Variants in KBTBD8 observed in about 807,000 individuals in gnomAD.
KBTBD8 encodes kelch repeat and BTB domain containing 8.
KBTBD8 carries 31 observed loss-of-function variants against 53.5 expected under a neutral mutation model. That is an observed-to-expected ratio of 0.58 (90% confidence interval 0.44 to 0.78). The LOEUF (loss-of-function observed/expected upper bound fraction) is 0.78, where lower values mean the gene tolerates loss of function less well. Among genes scored for constraint, KBTBD8 ranks in the 30% least tolerant of loss-of-function variants. KBTBD8 has a pLI of 0.00. For synonymous variants in KBTBD8, 250 were observed against 247.3 expected, an observed-to-expected ratio of 1.01 and a Z score of -0.10; for missense variants, 642 against 735.8, an observed-to-expected ratio of 0.87 and a Z score of 1.48.
At position 67,009,500 on chromosome 3, in the gene KBTBD8, CTT is replaced by C. The variant is rs1702098579; in HGVS notation, c.*1117_*1118del. 6.6e-6 allele frequency: 1 copy of C among 152,488 alleles called. No individual in the cohort carries two copies. The highest frequency in any genetic ancestry group is 2.4e-5 in the African/African-American group (1 of 41,404). 9.4% of individuals were successfully genotyped at this position (152,488 alleles called of 1,614,324 possible). On this transcript the variant is annotated 3_prime_UTR_variant, in exon 4 of 4. Coordinates refer to ENST00000417314, the MANE Select transcript of KBTBD8 (RefSeq NM_032505.3). ...TTCCTGCAGTGGTCTAATTTAATGT[CTT>C]TAAGTTTCATATTACAATTAAAACC...
Position 67,008,461 on chromosome 3 carries a change from A to G in KBTBD8, c.*76A>G. 1 of 1,022,468 alleles carries G rather than the reference A, an allele frequency of 9.8e-7. No individual in the cohort carries two copies. Among genetic ancestry groups the G allele is most frequent in the Non-Finnish European group, 1.4e-6 (1 of 701,970 alleles). 63.3% of individuals were successfully genotyped at this position (1,022,468 alleles called of 1,614,324 possible). On this transcript the variant is annotated 3_prime_UTR_variant, in exon 4 of 4. Coordinates refer to ENST00000417314, the MANE Select transcript of KBTBD8 (RefSeq NM_032505.3). ...GTCTTTGATACAAAAGAGTGCTGAC[A>G]GTATTTCAGAAAGCTGAGAGAGTTT...
Position 67,010,449 on chromosome 3 carries a change from G to A in KBTBD8, c.*2064G>A, listed in dbSNP as rs554410537. 1 of 152,636 alleles carries A rather than the reference G, an allele frequency of 6.6e-6. No individual in the cohort carries two copies. Among genetic ancestry groups the A allele is most frequent in the East Asian group, 1.9e-4 (1 of 5,186 alleles). The allele number at this position is 152,636 out of a possible 1,614,324, so 9.5% of individuals were successfully genotyped here. A position where few individuals can be genotyped will look rare whatever the true frequency, so the allele number is the denominator to read the frequency against. On this transcript the variant is annotated 3_prime_UTR_variant, in exon 4 of 4. Transcript: ENST00000417314. ...TTATATAAGAGAATGACATACTGTG[G>A]CTAATTCAACAGTAGATTTATTCTT...
At chr3:67,004,925 C>T (rs537097935) in intron 3 of KBTBD8, among the ~76,000 whole-genome samples, 5 of 152,024 alleles carry the variant, frequency 3.3e-5, no homozygotes, top group African/African-American at 9.7e-5. Context: ...TTTTTTTCAC[C>T]GGAAAACTTT....
chr3:67,003,611 A>C lies in KBTBD8; in HGVS notation c.644A>C (p.Glu215Ala). The C allele has an allele frequency of 1.2e-6, 2 of 1,614,080 alleles. No individual in the cohort carries two copies. The highest frequency in any genetic ancestry group is 1.7e-6 in the Non-Finnish European group (2 of 1,179,952). Reference sequence around the variant, plus strand: ...GTAGACCGAGAAGAGCATGTTTATGAAAGCATTATAAGGTGGTTTGAGCAT... The same window carrying C: ...GTAGACCGAGAAGAGCATGTTTATGCAAGCATTATAAGGTGGTTTGAGCAT... Reference protein sequence around the residue: ...LNVDREEHVYESIIRWFEHEQ... With the variant: ...LNVDREEHVYASIIRWFEHEQ... The change falls in exon 3 of 4, where the codon GAA becomes GCA. Residue 215 changes from glutamate to alanine, a missense_variant. By Grantham distance (107) the Glu-to-Ala change is moderately radical. Coordinates refer to ENST00000417314, the MANE Select transcript of KBTBD8 (RefSeq NM_032505.3).
At chr3:67,007,164 C>A (rs989391278) in intron 3 of KBTBD8, among the ~76,000 whole-genome samples, 2 of 152,162 alleles carry the variant, frequency 1.3e-5, no homozygotes, top group Non-Finnish European at 2.9e-5. Context: ...AATTAAATAG[C>A]ATACACATTT....
In KBTBD8 at chr3:67,003,982, A is replaced by G; in HGVS notation, c.1015A>G (p.Ile339Val). Residue 339 changes from isoleucine to valine, a missense_variant, in exon 3 of 4, where the codon ATT (isoleucine) becomes GTT (valine). Physicochemically the swap from Ile to Val is conservative, Grantham distance 29. Coordinates refer to ENST00000417314, the MANE Select transcript of KBTBD8 (RefSeq NM_032505.3). ...ILVSPDNDIY[I>V]AGGYRPSSSE... The stretch of plus-strand genomic sequence containing the variant: ...TGTATCACCAGATAATGACATTTAC[A>G]TTGCAGGAGGGTACAGGCCAAGCAG... 6.2e-7 allele frequency: 1 copy of G among 1,614,164 alleles called. No individual in the cohort carries two copies.
At chr3:67,005,092 A>G (rs1314228368) in intron 3 of KBTBD8, among the ~76,000 whole-genome samples, 1 of 152,184 alleles carries the variant, frequency 6.6e-6, no homozygotes, top group Non-Finnish European at 1.5e-5. Flanking sequence ...AGAGTAAATA[A>G]GACATTTGAT....
At chr3:66,998,948 C>T (rs1246497960) in intron 1 of KBTBD8, 33 bp from the exon 2 acceptor site, 3 of 1,520,482 alleles carry the variant, frequency 2.0e-6, no homozygotes, top group Non-Finnish European at 2.7e-6. Context: ...TGGCTCGGCA[C>T]TTCTTGTAGT....
rs962408179 is a variant in KBTBD8 at position 67,007,978 on chromosome 3, A to G, written c.1399A>G (p.Met467Val). The G allele has an allele frequency of 2.5e-6, 4 of 1,612,260 alleles. No individual in the cohort carries two copies. In the African/African-American group the frequency reaches 5.4e-5, roughly 22 times the overall value. The change falls in exon 4 of 4, where the codon ATG (methionine) becomes GTG (valine). Residue 467 changes from methionine to valine, a missense_variant. Transcript: ENST00000417314. ...AGACTACTGGGGTTTCTTAACCCCC[A>G]TGACTGTGCCTAGAATCCAGGGCTT... ...QKDYWGFLTP[M>V]TVPRIQGLAA...
Position 66,998,323 on chromosome 3 carries a change from T to C in KBTBD8, c.-33T>C. On this transcript the variant is annotated 5_prime_UTR_variant, in exon 1 of 4. Coordinates refer to ENST00000417314, the MANE Select transcript of KBTBD8 (RefSeq NM_032505.3). Reference sequence around the variant, plus strand: ...TAGAGAAGCGAAATGACATTTCCTTTTTAAATAGCTGGAGTCGGGGCCCCA... The same window carrying C: ...TAGAGAAGCGAAATGACATTTCCTTCTTAAATAGCTGGAGTCGGGGCCCCA... The C allele has an allele frequency of 7.7e-7, 1 of 1,298,318 alleles. No individual in the cohort carries two copies. Among genetic ancestry groups the C allele is most frequent in the Non-Finnish European group, 9.8e-7 (1 of 1,015,386 alleles). 80.4% of individuals were successfully genotyped at this position (1,298,318 alleles called of 1,614,324 possible). A position where few individuals can be genotyped will look rare whatever the true frequency, so the allele number is the denominator to read the frequency against.
rs773175747 is a variant in KBTBD8 at position 66,999,200 on chromosome 3, A to G, written c.227+9A>G. On this transcript the variant is annotated intron_variant, in intron 2 of 3. Coordinates refer to ENST00000417314, the MANE Select transcript of KBTBD8 (RefSeq NM_032505.3). ...ATCAGCCCTTACTTCAGGTATGATGATGGTAGGAACTTCTGTTGGTATCTG... is the reference window on the plus strand; with the variant it reads ...ATCAGCCCTTACTTCAGGTATGATGGTGGTAGGAACTTCTGTTGGTATCTG... 2 of 1,610,888 alleles carry G rather than the reference A, an allele frequency of 1.2e-6. No homozygotes were observed. The highest frequency in any genetic ancestry group is 1.7e-6 in the Non-Finnish European group (2 of 1,177,066).
At chr3:67,002,801 A>G (rs1375497630) in intron 2 of KBTBD8, among the ~76,000 whole-genome samples, 1 of 152,132 alleles carries the variant, frequency 6.6e-6, no homozygotes, top group Non-Finnish European at 1.5e-5. Flanking sequence ...ACACCGGGCC[A>G]GTATTCTTAA....
Position 66,998,986 on chromosome 3 carries a change from A to G in KBTBD8, c.22A>G (p.Ser8Gly). 6.2e-7 allele frequency: 1 copy of G among 1,600,082 alleles called. No individual in the cohort carries two copies. Among genetic ancestry groups the G allele is most frequent in the East Asian group, 2.2e-5 (1 of 44,536 alleles). ...TACGATTTTTCTCCTCCTAGATTTA[A>G]GTAAGTCTTCCCCAACACCGAATGG... MAASADL[S>G]KSSPTPNGIP... The change falls in exon 2 of 4, where the codon AGT becomes GGT. Residue 8 changes from serine to glycine, a missense_variant. Ser to Gly is a moderately conservative substitution (Grantham distance 56). Coordinates refer to ENST00000417314, the MANE Select transcript of KBTBD8 (RefSeq NM_032505.3).
At chr3:67,004,888 A>C (rs1702050547) in intron 3 of KBTBD8, among the ~76,000 whole-genome samples, 1 of 152,162 alleles carries the variant, frequency 6.6e-6, no homozygotes, top group African/African-American at 2.4e-5. Context: ...ACTGCTGTTT[A>C]TGTTGCCTTT....
chr3:67,008,026 A>G lies in KBTBD8; in HGVS notation c.1447A>G (p.Ile483Val), dbSNP rs1331143487. The G allele has an allele frequency of 1.2e-6, 2 of 1,613,498 alleles. No homozygotes were observed. Among genetic ancestry groups the G allele is most frequent in the African/African-American group, 1.3e-5 (1 of 74,812 alleles). Residue 483 changes from isoleucine (I) to valine (V), a missense_variant, in exon 4 of 4, where the codon ATC (isoleucine) becomes GTC (valine). Physicochemically the swap from Ile to Val is conservative, Grantham distance 29 (BLOSUM62 3). Coordinates refer to ENST00000417314, the MANE Select transcript of KBTBD8 (RefSeq NM_032505.3). ...QGLAAVYKDS[I>V]YYIAGTCGNH... The stretch of plus-strand genomic sequence containing the variant: ...CTTAGCAGCTGTATACAAGGACTCT[A>G]TCTACTACATAGCTGGAACCTGTGG...
In KBTBD8 at chr3:67,004,071, T is replaced by C. The variant is rs547862146; in HGVS notation, c.1104T>C (p.Asn368=). ...TCTGGATGTATGATCATTCCACCAA[T>C]AGATGGCTATCCAAACCATCCTTGC... is the stretch of plus-strand genomic sequence containing the variant. ...NDFWMYDHST[N]RWLSKPSLLR... is the part of the protein sequence containing the mutation. Residue 368 remains asparagine (N), a synonymous_variant, in exon 3 of 4, where the codon AAT becomes AAC. Transcript: ENST00000417314. The C allele has an allele frequency of 1.2e-5, 19 of 1,614,174 alleles. No homozygotes were observed. In the East Asian group the frequency reaches 3.6e-4, roughly 30 times the overall value.
At position 67,004,270 on chromosome 3, in the gene KBTBD8, A is replaced by C. The variant is rs1205053755; in HGVS notation, c.1303A>C (p.Asn435His). 20 of 1,614,066 alleles carry C rather than the reference A, an allele frequency of 1.2e-5. No individual in the cohort carries two copies. Among genetic ancestry groups the C allele is most frequent in the Non-Finnish European group, 1.5e-5 (18 of 1,180,018 alleles). ...CAMPVAMEFH[N>H]AVEYKEKIYV... is the part of the protein sequence containing the mutation. The stretch of plus-strand genomic sequence containing the variant: ...GATGCCAGTTGCAATGGAATTTCAT[A>C]ATGCTGTGGAGTACAAAGAGAAGAT... The change falls in exon 3 of 4, where the codon AAT becomes CAT. Residue 435 changes from asparagine (N) to histidine (H), a missense_variant. By Grantham distance (68) the Asn-to-His change is moderately conservative (BLOSUM62 1). Coordinates refer to ENST00000417314, the MANE Select transcript of KBTBD8 (RefSeq NM_032505.3).
At position 67,003,735 on chromosome 3, in the gene KBTBD8, G is replaced by T; in HGVS notation, c.768G>T (p.Gln256His). ...EDTFIEKIPPQFAQAIAKSCV... is the reference protein window; with the variant it reads ...EDTFIEKIPPHFAQAIAKSCV... Reference sequence around the variant, plus strand: ...CCTTTATAGAGAAAATTCCACCTCAGTTTGCACAGGCTATAGCCAAAAGCT... The same window carrying T: ...CCTTTATAGAGAAAATTCCACCTCATTTTGCACAGGCTATAGCCAAAAGCT... Residue 256 changes from glutamine to histidine, a missense_variant, in exon 3 of 4, where the codon CAG (glutamine) becomes CAT (histidine). Physicochemically the swap from Gln to His is conservative, Grantham distance 24. Transcript: ENST00000417314. 3.1e-6 allele frequency: 5 copies of T among 1,614,086 alleles called. No homozygotes were observed. The highest frequency in any genetic ancestry group is 4.2e-6 in the Non-Finnish European group (5 of 1,179,990).
chr3:67,002,074 C>T (rs939690230), intron 2 of KBTBD8, among the ~76,000 whole-genome samples: 7 of 151,984 alleles, frequency 4.6e-5, no homozygotes, highest in Admixed American at 3.9e-4. Flanking sequence ...AACTTGGTCT[C>T]GAAGGTAAAA....
Sources: allele counts gnomAD v4.1 joint callset (sites outside exome capture counted in the v4.1 genomes callset), GRCh38; gene constraint gnomAD v4.1.1; transcripts MANE v1.5; gene names NCBI Gene and HGNC (gene_info 2026-07-23, HGNC 2026-07-21).